USP9X: variants seen among roughly 807,000 people sequenced by gnomAD.
USP9X encodes ubiquitin specific peptidase 9 X-linked, also known as ubiquitin carboxyl-terminal hydrolase 9X.
Under a neutral mutation model 190.3 loss-of-function variants are expected in USP9X, and 7 were observed. The ratio of observed to expected loss-of-function variants is 0.04; its 90% CI spans 0.02 to 0.07. The LOEUF (loss-of-function observed/expected upper bound fraction) is 0.07. Among genes scored for constraint, USP9X ranks in the 10% least tolerant of loss-of-function variants. The probability of loss-of-function intolerance (pLI) is 1.00; values close to 1 mark genes in which losing one functional copy is unlikely to be tolerated. For synonymous variants in USP9X, 645 were observed against 659.5 expected, an observed-to-expected ratio of 0.98 and a Z score of 0.34; for missense variants, 1,010 against 1,916.9, an observed-to-expected ratio of 0.53 and a Z score of 8.83.
At chrX:41,134,218 T>C (rs1159393561) in intron 4 of USP9X, among the ~76,000 whole-genome samples, 3 of 112,396 alleles carry the variant, frequency 2.7e-5, no homozygotes, top group Non-Finnish European at 5.6e-5. Flanking sequence ...CATTAAGAGT[T>C]ACAGATTTTC....
intron 1 of USP9X, among the ~76,000 whole-genome samples, chrX:41,121,300 T>TA (rs1322330873): frequency 9.0e-6 from 1 of 111,481 alleles, no homozygotes; most frequent in African/African-American, 3.3e-5. Flanking sequence ...GAAGAAGTCT[T>TA]AGAGTCAGAT....
At chrX:41,167,383 A>G in intron 16 of USP9X, 99 bp from the exon 17 acceptor site, 1 of 597,944 alleles carries the variant, frequency 1.7e-6, no homozygotes, top group Non-Finnish European at 2.6e-6. Flanking sequence ...TAAATCATTG[A>G]ATAGTGTGTT....
chrX:41,231,237 A>G (rs1309057913), intron 44 of USP9X, among the ~76,000 whole-genome samples: 1 of 111,522 alleles, frequency 9.0e-6, no homozygotes, highest in African/African-American at 3.3e-5. Flanking sequence ...ATGCTACCCT[A>G]AAGTGTCTTA....
At chrX:41,181,275 T>TTTC (rs1555926671) in intron 21 of USP9X, among the ~76,000 whole-genome samples, 1 of 98,538 alleles carries the variant, frequency 1.0e-5, no homozygotes, top group African/African-American at 3.7e-5. Flanking sequence ...CTCATTTCTT[T>TTTC]TTTTTTTTTT....
intron 1 of USP9X, among the ~76,000 whole-genome samples, chrX:41,108,265 A>G (rs2062084208): frequency 9.0e-6 from 1 of 111,401 alleles, no homozygotes; most frequent in South Asian, 3.7e-4. Context: ...AGTTTCTGTG[A>G]TCTCTCTGTT....
At chrX:41,188,348 T>G (rs766706199) in intron 25 of USP9X, among the ~76,000 whole-genome samples, 5 of 112,177 alleles carry the variant, frequency 4.5e-5, no homozygotes, top group East Asian at 2.8e-4. Context: ...TTTTGCTGCT[T>G]CTTGTGGGGG....
rs185245880 is a variant in USP9X, at chrX:41,208,102, C to T, written c.5016-2407C>T. Among the ~76,000 whole-genome samples the T allele has an allele frequency of 2.3e-3, 242 of 106,116 alleles. 1 individual carries two copies. Among genetic ancestry groups the T allele is most frequent in the Non-Finnish European group, 3.7e-3 (189 of 51,410 alleles). 92.1% of individuals were successfully genotyped at this position (106,116 alleles called of 115,157 possible). Reference sequence around the variant, plus strand: ...AGGCTAGAGTGCAGTGGTGTGATCTCGGCTCACGGTAACCTCTGCCCGCTG... The same window carrying T: ...AGGCTAGAGTGCAGTGGTGTGATCTTGGCTCACGGTAACCTCTGCCCGCTG... On this transcript the variant is annotated intron_variant, in intron 32 of 44. Transcript: ENST00000378308.
intron 9 of USP9X, among the ~76,000 whole-genome samples, chrX:41,142,893 A>G (rs1250835723): frequency 9.3e-6 from 1 of 107,613 alleles, no homozygotes; most frequent in East Asian, 3.0e-4. Flanking sequence ...GCACATGATA[A>G]TTGTTAATAA....
chrX:41,196,366 C>T lies in USP9X; in HGVS notation c.4086+7C>T. 1 of 1,199,685 alleles carries T rather than the reference C, an allele frequency of 8.3e-7. No individual in the cohort carries two copies. Among genetic ancestry groups the T allele is most frequent in the Non-Finnish European group, 1.1e-6 (1 of 887,706 alleles). On this transcript the variant is annotated splice_region_variant and intron_variant, in intron 27 of 44. Transcript: ENST00000378308. ...ACTCTTTACTGTTTTGGGGGTGAGA[C>T]TTTTTAAAATATGCTTATCAATGTG...
In USP9X at chrX:41,205,410, A is replaced by G. The variant is rs2063081949; in HGVS notation, c.4932A>G (p.Leu1644=). 1.7e-6 allele frequency: 2 copies of G among 1,208,838 alleles called. No individual in the cohort carries two copies. Among genetic ancestry groups the G allele is most frequent in the Non-Finnish European group, 2.2e-6 (2 of 894,579 alleles). The part of the protein sequence containing the change: ...EDRKEYNIGV[L]RHLQVIFGHL... ...GAAAAGAGTACAACATTGGTGTCCT[A>G]AGACACCTTCAGGTCATCTTTGGTC... The change falls in exon 32 of 45, where the codon CTA becomes CTG. Residue 1644 remains leucine (L), a synonymous_variant. Coordinates refer to ENST00000378308, the MANE Select transcript of USP9X (RefSeq NM_001039591.3).
intron 44 of USP9X, among the ~76,000 whole-genome samples, chrX:41,231,286 T>C (rs1420270782): frequency 9.0e-6 from 1 of 111,619 alleles, no homozygotes; most frequent in Non-Finnish European, 1.9e-5. Context: ...TGTACATTTC[T>C]AGCAAGTTCC....
intron 21 of USP9X, among the ~76,000 whole-genome samples, chrX:41,175,426 T>A (rs2062765549): frequency 9.1e-6 from 1 of 109,508 alleles, no homozygotes; most frequent in South Asian, 4.0e-4. Context: ...GAGGCTGAGG[T>A]GGGAGGATCA....
chrX:41,128,869 C>A, intron 2 of USP9X, 131 bp from the exon 3 acceptor site: 2 of 684,639 alleles, frequency 2.9e-6, no homozygotes, highest in Non-Finnish European at 4.3e-6. Context: ...TTTGCAGATG[C>A]AGAACCCATG....
intron 33 of USP9X, among the ~76,000 whole-genome samples, chrX:41,213,804 A>G (rs1189406608): frequency 1.8e-5 from 2 of 112,248 alleles, no homozygotes; most frequent in Non-Finnish European, 3.8e-5. Context: ...TATTCCATTC[A>G]TATAATTTAT....
chrX:41,108,906 A>G (rs1242026354), intron 1 of USP9X, among the ~76,000 whole-genome samples: 1 of 111,269 alleles, frequency 9.0e-6, no homozygotes, highest in African/African-American at 3.3e-5. Context: ...TAGCTGGAAA[A>G]AAGAGCCCCA....
At chrX:41,187,595 A>G (rs1290907408) in intron 24 of USP9X, among the ~76,000 whole-genome samples, 1 of 112,451 alleles carries the variant, frequency 8.9e-6, no homozygotes, top group Non-Finnish European at 1.9e-5. Context: ...TGTAGTAGTA[A>G]AATGTAATAG....
intron 14 of USP9X, among the ~76,000 whole-genome samples, chrX:41,162,506 C>T (rs1053226230): frequency 1.8e-5 from 2 of 112,221 alleles, no homozygotes; most frequent in Non-Finnish European, 3.8e-5. Flanking sequence ...AGGCTGCAAT[C>T]ATGAATTGCT....
chrX:41,183,518 A>G (rs1362717710), intron 21 of USP9X, among the ~76,000 whole-genome samples: 1 of 111,932 alleles, frequency 8.9e-6, no homozygotes, highest in African/African-American at 3.2e-5. Flanking sequence ...GAATGTACAT[A>G]GGCACTTACC....
chrX:41,180,750 A>AT (rs1306599073), intron 21 of USP9X, among the ~76,000 whole-genome samples: 13 of 112,210 alleles, frequency 1.2e-4, no homozygotes, highest in African/African-American at 4.2e-4. Flanking sequence ...TTCATTAAAC[A>AT]TTAAACCACT....
Sources: gnomAD v4.1 joint callset for allele counts (sites outside exome capture counted in the v4.1 genomes callset) on GRCh38, gnomAD v4.1.1 for gene constraint, MANE v1.5 for transcripts, NCBI Gene and HGNC (gene_info 2026-07-23, HGNC 2026-07-21) for gene names.